Variants in SRGAP2B observed in about 807,000 individuals in gnomAD.
The protein encoded by SRGAP2B is SLIT-ROBO Rho GTPase activating protein 2B, also known as SLIT-ROBO Rho GTPase-activating protein 2B.
A neutral mutation model predicts 22.2 loss-of-function variants in SRGAP2B; 9 were observed. The observed-to-expected ratio is 0.41, with a 90% confidence interval of 0.24 to 0.71. The LOEUF is 0.71. Ranked by LOEUF, SRGAP2B falls within the 30% of genes least tolerant of loss-of-function variation. SRGAP2B has a pLI of 0.35. For missense variants in SRGAP2B, 114 were observed against 235.8 expected, an observed-to-expected ratio of 0.48 and a Z score of 3.38; for synonymous variants, 36 against 87.4, an observed-to-expected ratio of 0.41 and a Z score of 3.28.
chr1:144,974,166 A>T (rs1290471261), intron 3 of SRGAP2B, among the ~76,000 whole-genome samples: 2 of 148,396 alleles, frequency 1.3e-5, no homozygotes, highest in Non-Finnish European at 3.0e-5. Context: ...TAAAAATGAG[A>T]ATAAAGGTTT....
At chr1:144,973,393 AC>A (rs1445657527) in intron 3 of SRGAP2B, among the ~76,000 whole-genome samples, 4 of 125,712 alleles carry the variant, frequency 3.2e-5, no homozygotes, top group African/African-American at 1.3e-4. Flanking sequence ...TCTGCTTGAT[AC>A]TTTTTGAGAA....
intron 2 of SRGAP2B, among the ~76,000 whole-genome samples, chr1:145,007,180 A>G (rs1671660635): frequency 6.6e-6 from 1 of 150,518 alleles, no homozygotes; most frequent in Non-Finnish European, 1.5e-5. Flanking sequence ...CAGAGAGATC[A>G]GTTAACTGCC....
At chr1:144,905,195 T>C (rs1662895054) in exon 7 of SRGAP2B, 3 of 778,764 alleles carry the variant, frequency 3.9e-6, no homozygotes, top group Admixed American at 3.4e-5. Context: ...GCCTTCAGCT[T>C]ATTCTCCGTG....
At chr1:145,001,970 C>T (rs587617974) in intron 2 of SRGAP2B, among the ~76,000 whole-genome samples, 18 of 144,396 alleles carry the variant, frequency 1.2e-4, no homozygotes, top group Non-Finnish European at 2.3e-4. Flanking sequence ...CACAGTGAGC[C>T]GTGATTGTGC....
intron 3 of SRGAP2B, among the ~76,000 whole-genome samples, chr1:144,984,371 A>AAC (rs1669561015): frequency 7.0e-6 from 1 of 143,700 alleles, no homozygotes; most frequent in African/African-American, 2.8e-5. Context: ...ACAACAAAAA[A>AAC]AAAAAAACAA....
chr1:144,994,591 AGAGAGAG>A (rs1670524688), intron 3 of SRGAP2B, among the ~76,000 whole-genome samples: 3 of 149,182 alleles, frequency 2.0e-5, no homozygotes, highest in Non-Finnish European at 4.4e-5. Flanking sequence ...AGAGAGAGAG[AGAGAGAG>A]AGAGAGAGAG....
chr1:144,950,749 T>TA (rs1666793792), intron 4 of SRGAP2B, among the ~76,000 whole-genome samples: 1 of 150,238 alleles, frequency 6.7e-6, no homozygotes, highest in African/African-American at 2.5e-5. Flanking sequence ...ACAACATACT[T>TA]AGAGAATCCT....
rs587743751 is a variant in SRGAP2B, at chr1:144,916,041, CT to C, written c.424-1288del. On this transcript the variant is annotated intron_variant, in intron 4 of 9. Coordinates refer to ENST00000612199, the Ensembl canonical transcript of SRGAP2B. ...AGATACACAATCATTTAAGATCTTG[CT>C]TTTTTTCAAGGTACATACATCTCTA... is the stretch of plus-strand genomic sequence containing the variant. 7.3e-3 allele frequency among the ~76,000 whole-genome samples: 1,083 copies of C among 148,368 alleles called. 19 individuals are homozygous for C. The highest frequency in any genetic ancestry group is 0.011 in the Non-Finnish European group (715 of 67,488).
At chr1:144,907,142 T>C (rs1247272568) in intron 5 of SRGAP2B, among the ~76,000 whole-genome samples, 42 of 80,050 alleles carry the variant, frequency 5.2e-4, no homozygotes, top group Non-Finnish European at 1.1e-3. Flanking sequence ...TGTGTGCGTG[T>C]GTGTGTGTGT....
chr1:144,939,835 A>C (rs1175735486), intron 4 of SRGAP2B, among the ~76,000 whole-genome samples: 1 of 148,700 alleles, frequency 6.7e-6, no homozygotes, highest in Admixed American at 6.7e-5. Context: ...AATGAACATC[A>C]AAAGAAAAAC....
intron 4 of SRGAP2B, among the ~76,000 whole-genome samples, chr1:144,917,540 G>C (rs1553603916): frequency 1.4e-5 from 2 of 141,778 alleles, no homozygotes; most frequent in African/African-American, 5.9e-5. Context: ...CCCCAGAGTG[G>C]GGGATGGGGG....
intron 3 of SRGAP2B, among the ~76,000 whole-genome samples, chr1:144,985,439 A>G (rs1362325324): frequency 6.6e-6 from 1 of 151,072 alleles, no homozygotes; most frequent in Non-Finnish European, 1.5e-5. Context: ...AAAATGAGCT[A>G]TTAAAAGCAG....
chr1:144,928,333 G>A (rs1404719956), intron 4 of SRGAP2B, among the ~76,000 whole-genome samples: 1 of 143,726 alleles, frequency 7.0e-6, no homozygotes, highest in African/African-American at 2.6e-5. Context: ...AAATTGTATA[G>A]GTATGCCATA....
At chr1:145,070,005 C>T (rs1376752925) in intron 2 of SRGAP2B, among the ~76,000 whole-genome samples, 1 of 148,736 alleles carries the variant, frequency 6.7e-6, no homozygotes, top group Non-Finnish European at 1.5e-5. Flanking sequence ...GAAAATGGCT[C>T]CTTTGGCTGG....
intron 2 of SRGAP2B, among the ~76,000 whole-genome samples, chr1:145,085,143 T>C (rs1368993252): frequency 1.3e-5 from 2 of 151,742 alleles, no homozygotes; most frequent in African/African-American, 2.4e-5. Flanking sequence ...GGTTTTGCCA[T>C]GTTGGCCAGG....
At chr1:144,944,577 T>A (rs1290899004) in intron 4 of SRGAP2B, among the ~76,000 whole-genome samples, 1 of 92,376 alleles carries the variant, frequency 1.1e-5, no homozygotes, top group African/African-American at 5.0e-5. Flanking sequence ...ACAAAGTGAG[T>A]CTCCATCTCA....
intron 4 of SRGAP2B, among the ~76,000 whole-genome samples, chr1:144,923,109 G>A (rs587760826): frequency 1.3e-5 from 2 of 150,418 alleles, no homozygotes; most frequent in Non-Finnish European, 2.9e-5. Context: ...AGAGGATAAC[G>A]GCCCTCTGCT....
chr1:145,027,043 A>T (rs1306980174), intron 2 of SRGAP2B, among the ~76,000 whole-genome samples: 3 of 65,994 alleles, frequency 4.5e-5, no homozygotes, highest in East Asian at 4.2e-4. Context: ...TTTGAGATGG[A>T]GTCTCGGTCT....
chr1:144,964,962 C>G, intron 3 of SRGAP2B: 1 of 1,331,820 alleles, frequency 7.5e-7, no homozygotes, highest in South Asian at 1.2e-5. Context: ...GGACACAGAG[C>G]CGCGCCGCCT....
Sources: gnomAD v4.1 joint callset for allele counts (sites outside exome capture counted in the v4.1 genomes callset) on GRCh38, gnomAD v4.1.1 for gene constraint, MANE v1.5 for transcripts, NCBI Gene and HGNC (gene_info 2026-07-23, HGNC 2026-07-21) for gene names.